RBFOX2: variants seen among roughly 807,000 people sequenced by gnomAD.
RBFOX2 encodes RNA binding fox-1 homolog 2.
RBFOX2 carries 10 observed loss-of-function variants against 49.1 expected under a neutral mutation model. The ratio of observed to expected loss-of-function variants is 0.20; its 90% CI spans 0.13 to 0.35. RBFOX2 has a LOEUF of 0.35. RBFOX2 is among the 10% of genes least tolerant of loss of function. The pLI, the probability that RBFOX2 is intolerant of heterozygous loss-of-function variation, is 1.00. For missense variants in RBFOX2, 323 were observed against 486.9 expected (o/e 0.66, Z 3.17); for synonymous variants, 183 against 187.4 (o/e 0.98, Z 0.19).
intron 1 of RBFOX2, among the ~76,000 whole-genome samples, chr22:35,815,962 T>C (rs1403066978): frequency 6.6e-6 from 1 of 152,170 alleles, no homozygotes; most frequent in South Asian, 2.1e-4. Context: ...CTAAAAGCAG[T>C]GGCTTCTGCC....
At chr22:35,954,722 G>A (rs1401470085) in intron 1 of RBFOX2, among the ~76,000 whole-genome samples, 1 of 152,172 alleles carries the variant, frequency 6.6e-6, no homozygotes, top group African/African-American at 2.4e-5. Flanking sequence ...TTATGTGTCT[G>A]CAACTTGGTA....
At chr22:35,946,104 A>G (rs1387634675) in intron 1 of RBFOX2, among the ~76,000 whole-genome samples, 2 of 152,096 alleles carry the variant, frequency 1.3e-5, no homozygotes, top group African/African-American at 4.8e-5. Flanking sequence ...ACACACCAAA[A>G]TTTCTTCAAT....
intron 2 of RBFOX2, among the ~76,000 whole-genome samples, chr22:35,808,118 T>C (rs546467922): frequency 6.6e-6 from 1 of 152,348 alleles, no homozygotes; most frequent in South Asian, 2.1e-4. Context: ...ATTTTATTTC[T>C]TCTTTTTCAC....
At chr22:35,755,396 A>T (rs1936559328) in intron 9 of RBFOX2, among the ~76,000 whole-genome samples, 1 of 152,234 alleles carries the variant, frequency 6.6e-6, no homozygotes, top group Non-Finnish European at 1.5e-5. Flanking sequence ...TAAATAATGG[A>T]GTCCATATTA....
intron 1 of RBFOX2, among the ~76,000 whole-genome samples, chr22:36,025,704 C>G (rs2059406464): frequency 6.6e-6 from 1 of 152,184 alleles, no homozygotes; most frequent in Non-Finnish European, 1.5e-5. Flanking sequence ...ACCTTAAGGA[C>G]AGTGAACTGG....
intron 1 of RBFOX2, among the ~76,000 whole-genome samples, chr22:35,817,653 T>G (rs1953426127): frequency 6.6e-6 from 1 of 152,048 alleles, no homozygotes; most frequent in African/African-American, 2.4e-5. Context: ...TCTACTGAAA[T>G]GTAGGCCTCA....
rs540849793 is a variant in RBFOX2, at chr22:35,782,250, G to C, written c.253-504C>G. Among the ~76,000 whole-genome samples the C allele has an allele frequency of 3.3e-5, 5 of 152,268 alleles. No homozygotes were observed. In the South Asian group the frequency reaches 1.0e-3, roughly 32 times the overall value. On this transcript the variant is annotated intron_variant, in intron 2 of 11. Transcript: ENST00000405409. ...TTTCATTCCCTCTATTAGCTCTAGA[G>C]TTACTACTACTATGTTGCCAAAGTA...
At chr22:35,871,978 T>C (rs2044408820) in intron 1 of RBFOX2, among the ~76,000 whole-genome samples, 1 of 152,206 alleles carries the variant, frequency 6.6e-6, no homozygotes, top group African/African-American at 2.4e-5. Flanking sequence ...TATCCATAGC[T>C]GGGCAGGGCA....
intron 1 of RBFOX2, among the ~76,000 whole-genome samples, chr22:35,980,125 A>G (rs2057385581): frequency 6.6e-6 from 1 of 152,206 alleles, no homozygotes; most frequent in Admixed American, 6.5e-5. Flanking sequence ...CTATTAAAAG[A>G]TAACATTTGA....
chr22:35,931,308 T>G, intron 1 of RBFOX2, among the ~76,000 whole-genome samples: 1 of 137,378 alleles, frequency 7.3e-6, no homozygotes. Context: ...AGCAAAAGCA[T>G]GTTTAGTTAA....
rs902292023 is a variant in RBFOX2 at position 35,806,303 on chromosome 22, TA to T, written c.252+3476del. The stretch of plus-strand genomic sequence containing the variant: ...AAAACTGCTCTAAAAAAGGAGATCT[TA>T]AAAAAAAAAACAACGTAAGATTGTT... On this transcript the variant is annotated intron_variant, in intron 2 of 11. Transcript: ENST00000405409. Among the ~76,000 whole-genome samples, 655 of 145,718 alleles carry T rather than the reference TA, an allele frequency of 4.5e-3. 4 individuals are homozygous for T. Among genetic ancestry groups the T allele is most frequent in the African/African-American group, 0.016 (615 of 39,526 alleles).
chr22:35,931,922 C>G (rs1201131766), intron 1 of RBFOX2, among the ~76,000 whole-genome samples: 2 of 152,156 alleles, frequency 1.3e-5, no homozygotes, highest in Non-Finnish European at 2.9e-5. Flanking sequence ...TAGTCACAAT[C>G]GACAATTTTT....
At chr22:35,841,506 T>A (rs1958744017), upstream of RBFOX2, among the ~76,000 whole-genome samples, 1 of 152,160 alleles carries the variant, frequency 6.6e-6, no homozygotes, top group African/African-American at 2.4e-5. Context: ...CTATTTTATA[T>A]TATCACACAT....
chr22:35,951,629 G>A (rs1395824573), intron 1 of RBFOX2, among the ~76,000 whole-genome samples: 1 of 150,692 alleles, frequency 6.6e-6, no homozygotes, highest in Non-Finnish European at 1.5e-5. Flanking sequence ...ATACAAGTGA[G>A]CTGAAAAAAA....
At chr22:35,769,463 T>C (rs1198680001) in intron 4 of RBFOX2, among the ~76,000 whole-genome samples, 1 of 152,158 alleles carries the variant, frequency 6.6e-6, no homozygotes, top group Non-Finnish European at 1.5e-5. Flanking sequence ...TACTATATAC[T>C]TATATGACTT....
intron 2 of RBFOX2, among the ~76,000 whole-genome samples, chr22:35,782,740 T>A (rs2147172034): frequency 1.3e-5 from 2 of 152,320 alleles, no homozygotes; most frequent in Middle Eastern, 6.8e-3. Flanking sequence ...ATTGAGAGAA[T>A]CTAACTGTTG....
At chr22:35,861,003 T>A (rs773636735) in intron 1 of RBFOX2, among the ~76,000 whole-genome samples, 23 of 152,150 alleles carry the variant, frequency 1.5e-4, no homozygotes, top group Non-Finnish European at 3.1e-4. Context: ...GATACTGGTG[T>A]CAAGAGAGAA....
At chr22:36,014,613 G>T (rs2058962824) in intron 1 of RBFOX2, among the ~76,000 whole-genome samples, 1 of 151,990 alleles carries the variant, frequency 6.6e-6, no homozygotes, top group Non-Finnish European at 1.5e-5. Flanking sequence ...AGGGGTAAAT[G>T]ATACCTACAC....
At chr22:35,757,723 C>T (rs911261884) in intron 9 of RBFOX2, among the ~76,000 whole-genome samples, 3 of 152,078 alleles carry the variant, frequency 2.0e-5, no homozygotes, top group African/African-American at 7.2e-5. Flanking sequence ...TAGCTAAGTC[C>T]CATTCATTTT....
Sources: allele counts gnomAD v4.1 joint callset (sites outside exome capture counted in the v4.1 genomes callset), GRCh38; gene constraint gnomAD v4.1.1; transcripts MANE v1.5; gene names NCBI Gene and HGNC (gene_info 2026-07-23, HGNC 2026-07-21).